SREBF1: variants seen among roughly 807,000 people sequenced by gnomAD.
SREBF1 encodes sterol regulatory element-binding protein 1.
SREBF1 carries 45 observed loss-of-function variants against 100.1 expected under a neutral mutation model. The observed-to-expected ratio is 0.45, with a 90% CI of 0.35 to 0.58. SREBF1 has a LOEUF of 0.58. Ranked by LOEUF, SREBF1 falls within the 20% of genes least tolerant of loss-of-function variation. The pLI, the probability that SREBF1 is intolerant of heterozygous loss-of-function variation, is 0.00. For synonymous variants in SREBF1, 657 were observed against 681.8 expected, an observed-to-expected ratio of 0.96 and a Z score of 0.57; for missense variants, 1,324 against 1,539.4, an observed-to-expected ratio of 0.86 and a Z score of 2.34.
chr17:17,826,234 T>C (rs2034481399), intron 1 of SREBF1, among the ~76,000 whole-genome samples: 1 of 151,752 alleles, frequency 6.6e-6, no homozygotes, highest in African/African-American at 2.4e-5. Flanking sequence ...GTGAGTTGCC[T>C]GATACTTGCA....
rs2035264480 is a variant in SREBF1, at chr17:17,836,731, G to A, written c.87C>T (p.Ile29=). ...CDLDAALLTD[I]EDMLQLINNQ... is the part of the protein sequence containing the mutation. Reference sequence around the variant, plus strand: ...GCCCTGCCCGCCCTGACGCACCTTCGATGTCGGTCAGCAGCGCCGCGTCCA... The same window carrying A: ...GCCCTGCCCGCCCTGACGCACCTTCAATGTCGGTCAGCAGCGCCGCGTCCA... The change falls in exon 1 of 19, where the codon ATC becomes ATT. Residue 29 remains isoleucine (I), a synonymous_variant. Coordinates refer to ENST00000261646, the MANE Select transcript of SREBF1 (RefSeq NM_004176.5). 6.4e-7 allele frequency: 1 copy of A among 1,569,620 alleles called. No individual in the cohort carries two copies.
In SREBF1 at chr17:17,816,258, C is replaced by T. The variant is rs1253026633; in HGVS notation, c.2163G>A (p.Ala721=). 1.7e-5 allele frequency: 22 copies of T among 1,287,030 alleles called. No homozygotes were observed. The highest frequency in any genetic ancestry group is 2.1e-4 in the Middle Eastern group (1 of 4,858). The allele number at this position is 1,287,030 out of a possible 1,614,324, so 79.7% of individuals were successfully genotyped here. The part of the protein sequence containing the change: ...SVATLAEIYV[A]AALRVKTSLP... ...GACTGGTCTTCACTCTCAATGCAGC[C>T]GCCACATAGATCTCGGCCAGCGTCG... The change falls in exon 11 of 19, where the codon GCG becomes GCA. Residue 721 remains alanine, a synonymous_variant. Transcript: ENST00000261646.
intron 1 of SREBF1, among the ~76,000 whole-genome samples, chr17:17,835,110 T>C (rs2035149271): frequency 6.6e-6 from 1 of 152,008 alleles, no homozygotes; most frequent in African/African-American, 2.4e-5. Flanking sequence ...GTTTAGAGGG[T>C]GAGAGGGCTT....
intron 18 of SREBF1, 199 bp downstream of exon 18, chr17:17,813,169 C>T (rs1429483909): frequency 6.3e-6 from 4 of 638,706 alleles, no homozygotes; most frequent in Non-Finnish European, 1.1e-5. Flanking sequence ...CTCCCTGTCA[C>T]TCAGGCTCAC....
At chr17:17,833,873 G>T (rs1255253914) in intron 1 of SREBF1, among the ~76,000 whole-genome samples, 2 of 151,988 alleles carry the variant, frequency 1.3e-5, no homozygotes, top group Non-Finnish European at 2.9e-5. Context: ...AGCTACTTGG[G>T]AGCTGGAGAA....
At position 17,813,351 on chromosome 17, in the gene SREBF1, A is replaced by G; in HGVS notation, c.3214+17T>C. On this transcript the variant is annotated intron_variant, in intron 18 of 18. Transcript: ENST00000261646. ...CTGAGCAGACAGCACATCCCTGGTC[A>G]GCAGCTGCCCCCTCACCTCCTTTGC... 1 of 1,576,892 alleles carries G rather than the reference A, an allele frequency of 6.3e-7. No individual in the cohort carries two copies. Among genetic ancestry groups the G allele is most frequent in the Non-Finnish European group, 8.6e-7 (1 of 1,162,700 alleles).
chr17:17,834,210 GC>G (rs1165539520), intron 1 of SREBF1, among the ~76,000 whole-genome samples: 2 of 152,092 alleles, frequency 1.3e-5, no homozygotes, highest in African/African-American at 4.8e-5. Flanking sequence ...TCCCACTTCA[GC>G]CTCCAGAGTA....
rs373272335 is a variant in SREBF1, at chr17:17,814,738, G to A, written c.2612C>T (p.Pro871Leu). 4.3e-6 allele frequency: 7 copies of A among 1,610,754 alleles called. No homozygotes were observed. The highest frequency in any genetic ancestry group is 1.7e-4 in the Middle Eastern group (1 of 6,058). ...SSMATTTGVD[P>L]VAKWWASLTA... ...CAGAGAGGCCCACCACTTGGCCACCGGGTCTACGCCTGCAGAAGAGGGAGG... is the reference window on the plus strand; with the variant it reads ...CAGAGAGGCCCACCACTTGGCCACCAGGTCTACGCCTGCAGAAGAGGGAGG... The change falls in exon 15 of 19, where the codon CCG becomes CTG. Residue 871 changes from proline (P) to leucine (L), a missense_variant. Coordinates refer to ENST00000261646, the MANE Select transcript of SREBF1 (RefSeq NM_004176.5).
rs1277084213 is a variant in SREBF1 at position 17,817,840 on chromosome 17, C to T, written c.1260G>A (p.Glu420=). The change falls in exon 7 of 19, where the codon GAG becomes GAA. Residue 420 remains glutamate (E), a synonymous_variant. Coordinates refer to ENST00000261646, the MANE Select transcript of SREBF1 (RefSeq NM_004176.5). This position sits in a 1 kb window ranked among gnomAD's most constrained non-coding sequence, Gnocchi z 6.6. ...GGGGTGGGGTCAGTGTGTCCTCCAC[C>T]TCAGTCTTCACGCCCTCCATGAGCA... ...TDVLMEGVKT[E]VEDTLTPPPS... 6 of 1,609,982 alleles carry T rather than the reference C, an allele frequency of 3.7e-6. No individual in the cohort carries two copies. In the East Asian group the frequency reaches 1.3e-4, roughly 36 times the overall value.
intron 1 of SREBF1, 149 bp downstream of exon 1, chr17:17,836,578 G>C: frequency 1.3e-6 from 1 of 798,566 alleles, no homozygotes; most frequent in Non-Finnish European, 2.0e-6. Context: ...GGTGAGGCTC[G>C]GGACACCGAG....
chr17:17,813,957 C>T lies in SREBF1; in HGVS notation c.2902-188G>A, dbSNP rs115111429. 2,088 of 708,434 alleles carry T rather than the reference C, an allele frequency of 2.9e-3. 33 individuals are homozygous for T. In the African/African-American group the frequency reaches 0.031, roughly 11 times the overall value. The allele number at this position is 708,434 out of a possible 1,614,324, so 43.9% of individuals were successfully genotyped here. On this transcript the variant is annotated intron_variant, in intron 16 of 18. Transcript: ENST00000261646. ...CTCTCTCGGCCCCCACACCCGCCACCGGCCCGGGAGCAGCTGTCCAGCCCT... is the reference window on the plus strand; with the variant it reads ...CTCTCTCGGCCCCCACACCCGCCACTGGCCCGGGAGCAGCTGTCCAGCCCT...
chr17:17,815,443 G>A (rs1245354088), intron 12 of SREBF1, 114 bp from the exon 13 acceptor site: 19 of 827,682 alleles, frequency 2.3e-5, no homozygotes, highest in South Asian at 1.8e-4. Context: ...GGGAAGTGCC[G>A]GCATGCCCCT....
intron 1 of SREBF1, among the ~76,000 whole-genome samples, chr17:17,827,259 G>C (rs1336538160): frequency 6.6e-6 from 1 of 152,214 alleles, no homozygotes; most frequent in Non-Finnish European, 1.5e-5. Flanking sequence ...ATTCTCCAGG[G>C]AATGGGTGGG....
At chr17:17,819,484 T>C in intron 3 of SREBF1, 30 bp from the exon 4 acceptor site, 4 of 1,613,396 alleles carry the variant, frequency 2.5e-6, no homozygotes, top group Non-Finnish European at 3.4e-6. Flanking sequence ...GGCTGTAAGC[T>C]GTGTGTCTGG....
chr17:17,818,925 G>T, intron 5 of SREBF1, 88 bp downstream of exon 5: 1 of 1,458,398 alleles, frequency 6.9e-7, no homozygotes. Flanking sequence ...TCCAGGCTCA[G>T]TCTCACTCCC....
In SREBF1 at chr17:17,836,790, C is replaced by G. The variant is rs756959735; in HGVS notation, c.28G>C (p.Ala10Pro). The change falls in exon 1 of 19, where the codon GCT becomes CCT. Residue 10 changes from alanine (A) to proline (P), a missense_variant. Coordinates refer to ENST00000261646, the MANE Select transcript of SREBF1 (RefSeq NM_004176.5). ...GGCTCGCCCAGCGCCTGCTCCAAAG[C>G]CGCCTCGCTGAAGGGTGGCTCGTCC... Reference protein sequence around the residue: MDEPPFSEAALEQALGEPCD... With the variant: MDEPPFSEAPLEQALGEPCD... 1 of 1,554,800 alleles carries G rather than the reference C, an allele frequency of 6.4e-7. No individual in the cohort carries two copies. Among genetic ancestry groups the G allele is most frequent in the South Asian group, 1.2e-5 (1 of 85,344 alleles).
intron 1 of SREBF1, among the ~76,000 whole-genome samples, chr17:17,828,661 A>G (rs2034638634): frequency 6.6e-6 from 1 of 152,210 alleles, no homozygotes; most frequent in Non-Finnish European, 1.5e-5. Flanking sequence ...CACACCTGTA[A>G]TAACAGCACT....
intron 1 of SREBF1, among the ~76,000 whole-genome samples, chr17:17,833,221 A>G (rs953971913): frequency 2.0e-5 from 3 of 151,472 alleles, no homozygotes; most frequent in Admixed American, 2.0e-4. Context: ...CAGGAGATCG[A>G]GACCATCCTG....
At chr17:17,829,205 A>AAAAAAAAAAAATATATATAT (rs1210718799) in intron 1 of SREBF1, among the ~76,000 whole-genome samples, 2 of 65,842 alleles carry the variant, frequency 3.0e-5, no homozygotes, top group African/African-American at 1.8e-4. Flanking sequence ...AAAAAAAAAA[A>AAAAAAAAAAAATATATATAT]ATATATATAT....
Sources: gnomAD v4.1 joint callset for allele counts (sites outside exome capture counted in the v4.1 genomes callset) on GRCh38, gnomAD v4.1.1 for gene constraint, Gnocchi (gnomAD v3.1) non-coding constraint, MANE v1.5 for transcripts, NCBI Gene and HGNC (gene_info 2026-07-23, HGNC 2026-07-21) for gene names.